The following MYO3A variants were observed in gnomAD, a reference collection of about 807,000 sequenced individuals.
The protein encoded by MYO3A is myosin-IIIa.
MYO3A carries 180 observed loss-of-function variants against 192.7 expected under a neutral mutation model. The observed-to-expected ratio is 0.93, with a 90% CI of 0.83 to 1.06. MYO3A has a LOEUF of 1.06. Among genes scored for constraint, MYO3A ranks in the 50% least tolerant of loss-of-function variants. The pLI is 0.00. For missense variants in MYO3A, 1,896 were observed against 1,905.0 expected, an observed-to-expected ratio of 1.00 and a Z score of 0.09; for synonymous variants, 628 against 645.3, an observed-to-expected ratio of 0.97 and a Z score of 0.41.
intron 32 of MYO3A, among the ~76,000 whole-genome samples, chr10:26,198,285 G>A (rs2132182780): frequency 6.6e-6 from 1 of 152,224 alleles, no homozygotes; most frequent in East Asian, 1.9e-4. Flanking sequence ...TCCAAAATAA[G>A]AGTGAGCCAA....
chr10:26,087,930 C>T (rs1024677784), intron 14 of MYO3A, among the ~76,000 whole-genome samples: 1 of 152,156 alleles, frequency 6.6e-6, no homozygotes, highest in Admixed American at 6.6e-5. Context: ...GCGTAGGCTG[C>T]TTATAAATTA....
chr10:26,076,367 T>C (rs779612824), intron 14 of MYO3A, among the ~76,000 whole-genome samples: 5 of 152,184 alleles, frequency 3.3e-5, no homozygotes, highest in African/African-American at 7.2e-5. Context: ...CTTACTGATT[T>C]GTTTGAGTTC....
At chr10:26,175,219 A>G (rs1332635073) in intron 30 of MYO3A, among the ~76,000 whole-genome samples, 1 of 152,154 alleles carries the variant, frequency 6.6e-6, no homozygotes, top group South Asian at 2.1e-4. Flanking sequence ...TGATACATAC[A>G]ATTTATCTCT....
intron 6 of MYO3A, among the ~76,000 whole-genome samples, chr10:26,005,709 A>C (rs1434702785): frequency 6.6e-6 from 1 of 152,164 alleles, no homozygotes; most frequent in Non-Finnish European, 1.5e-5. Flanking sequence ...GTATATATGT[A>C]ATACATATTA....
At chr10:25,938,784 A>T (rs1370688237) in intron 2 of MYO3A, among the ~76,000 whole-genome samples, 1 of 152,206 alleles carries the variant, frequency 6.6e-6, no homozygotes, top group Non-Finnish European at 1.5e-5. Flanking sequence ...TTATATTTTC[A>T]TTAAAAAGTC....
chr10:26,175,157 T>C (rs755195075), intron 30 of MYO3A, among the ~76,000 whole-genome samples: 3 of 152,210 alleles, frequency 2.0e-5, no homozygotes, highest in Non-Finnish European at 4.4e-5. Context: ...GAGAGGAGCA[T>C]AGGAAGCAAC....
chr10:26,124,902 CAAGAT>C (rs1839119497), intron 18 of MYO3A, among the ~76,000 whole-genome samples: 1 of 152,082 alleles, frequency 6.6e-6, no homozygotes, highest in African/African-American at 2.4e-5. Context: ...ACATGAATGT[CAAGAT>C]AAGTTTGTGC....
At chr10:26,038,163 T>C (rs1421401748) in intron 10 of MYO3A, among the ~76,000 whole-genome samples, 1 of 152,176 alleles carries the variant, frequency 6.6e-6, no homozygotes, top group Non-Finnish European at 1.5e-5. Context: ...ATTTTTTGCT[T>C]ATGATGGCTT....
At chr10:26,034,654 C>T (rs1024537679) in intron 10 of MYO3A, among the ~76,000 whole-genome samples, 1 of 151,016 alleles carries the variant, frequency 6.6e-6, no homozygotes, top group Non-Finnish European at 1.5e-5. Context: ...CAGATCTAGT[C>T]GCTAGTCTAG....
intron 4 of MYO3A, among the ~76,000 whole-genome samples, chr10:25,984,389 C>T (rs919314320): frequency 3.3e-5 from 5 of 152,092 alleles, no homozygotes; most frequent in African/African-American, 9.7e-5. Flanking sequence ...CATAAGAACT[C>T]GCAAAAACTT....
chr10:26,004,488 G>A (rs981621049), intron 6 of MYO3A, among the ~76,000 whole-genome samples: 4 of 139,050 alleles, frequency 2.9e-5, no homozygotes, highest in Admixed American at 1.4e-4. Context: ...ATGCATGTGA[G>A]TGTGTGTGTA....
intron 23 of MYO3A, among the ~76,000 whole-genome samples, chr10:26,148,203 T>C (rs1043690138): frequency 1.3e-5 from 2 of 152,210 alleles, no homozygotes; most frequent in Non-Finnish European, 2.9e-5. Context: ...ATGTTTCTCA[T>C]GACCCTTTAT....
chr10:26,075,785 A>G (rs1177235763), intron 14 of MYO3A, among the ~76,000 whole-genome samples: 1 of 147,552 alleles, frequency 6.8e-6, no homozygotes, highest in African/African-American at 2.5e-5. Context: ...TATATGATAT[A>G]TATGTCTCTC....
chr10:25,968,199 G>T (rs1278443488), intron 4 of MYO3A, among the ~76,000 whole-genome samples: 2 of 152,170 alleles, frequency 1.3e-5, no homozygotes, highest in East Asian at 3.8e-4. Flanking sequence ...ACATTTAGGG[G>T]TCATAGATAA....
chr10:26,143,142 C>A (rs1343951291), intron 20 of MYO3A, among the ~76,000 whole-genome samples: 1 of 151,960 alleles, frequency 6.6e-6, no homozygotes, highest in African/African-American at 2.4e-5. Context: ...ACCAGCCTGG[C>A]CAACATGGTG....
At chr10:25,996,999 A>G (rs1840489064) in intron 5 of MYO3A, among the ~76,000 whole-genome samples, 160 bp from the exon 6 acceptor site, 1 of 152,222 alleles carries the variant, frequency 6.6e-6, no homozygotes, top group Admixed American at 6.5e-5. Context: ...CAAAGTGGAA[A>G]TGATGTTCTT....
chr10:26,193,836 T>C (rs1006575797), intron 32 of MYO3A, among the ~76,000 whole-genome samples: 7 of 152,220 alleles, frequency 4.6e-5, no homozygotes, highest in Admixed American at 3.9e-4. Flanking sequence ...CAGATAAGCA[T>C]GCCTTAGCTG....
At chr10:26,152,841 C>G (rs1309762831) in intron 23 of MYO3A, among the ~76,000 whole-genome samples, 2 of 152,164 alleles carry the variant, frequency 1.3e-5, no homozygotes, top group Non-Finnish European at 2.9e-5. Flanking sequence ...AGCCCCTCCC[C>G]TGGAGTTCGG....
Position 26,125,419 on chromosome 10 carries a change from G to A in MYO3A, c.1925G>A (p.Arg642Gln), listed in dbSNP as rs770801976. Residue 642 changes from arginine (R) to glutamine (Q), a missense_variant, in exon 19 of 35, where the codon CGG becomes CAG. Physicochemically the swap from Arg to Gln is conservative, Grantham distance 43. Transcript: ENST00000642920. ...TCAGGTGCTTCTTTGCTTTGCATTC[G>A]GGCAGATGAGCTACAAGAAGCTCTC... The part of the protein sequence containing the change: ...LENCASLLCI[R>Q]ADELQEALTS... 13 of 1,613,746 alleles carry A rather than the reference G, an allele frequency of 8.1e-6. No homozygotes were observed. The highest frequency in any genetic ancestry group is 4.5e-5 in the East Asian group (2 of 44,844).
Sources: gnomAD v4.1 joint callset for allele counts (sites outside exome capture counted in the v4.1 genomes callset) on GRCh38, gnomAD v4.1.1 for gene constraint, MANE v1.5 for transcripts, NCBI Gene and HGNC (gene_info 2026-07-23, HGNC 2026-07-21) for gene names.